The following CDH12 variants were observed in gnomAD, a reference collection of about 807,000 sequenced individuals.
The protein encoded by CDH12 is cadherin-12.
In CDH12, 41 loss-of-function variants were observed where a neutral mutation model predicts 74.1. The observed-to-expected ratio is 0.55, with a 90% CI of 0.43 to 0.72. CDH12 has a LOEUF of 0.72. Among genes scored for constraint, CDH12 ranks in the 30% least tolerant of loss-of-function variants. CDH12 has a pLI of 0.00. For synonymous variants in CDH12, 399 were observed against 355.0 expected (o/e 1.12, Z -1.39); for missense variants, 945 against 977.2 (o/e 0.97, Z 0.44).
At chr5:22,700,706 G>T (rs1742671065) in intron 1 of CDH12, among the ~76,000 whole-genome samples, 1 of 152,138 alleles carries the variant, frequency 6.6e-6, no homozygotes, top group African/African-American at 2.4e-5. Flanking sequence ...GTCAATACTG[G>T]TGGTAAGACA....
In CDH12 at chr5:22,660,265, A is replaced by C. The variant is rs138311882; in HGVS notation, c.-522-154901T>G. 2.9e-4 allele frequency among the ~76,000 whole-genome samples: 44 copies of C among 152,290 alleles called. No individual in the cohort carries two copies. The East Asian group carries it at 4.8e-3, about 17-fold the overall frequency. The stretch of plus-strand genomic sequence containing the variant: ...ATATTCTGGGAATTTTCTCTATTTC[A>C]AGGTTACTCTAACTACAACTTGGCT... On this transcript the variant is annotated intron_variant, in intron 1 of 14. Coordinates refer to ENST00000382254, the MANE Select transcript of CDH12 (RefSeq NM_004061.5).
chr5:22,179,886 C>T (rs1749542093), intron 4 of CDH12, among the ~76,000 whole-genome samples: 1 of 152,064 alleles, frequency 6.6e-6, no homozygotes, highest in East Asian at 1.9e-4. Flanking sequence ...CATTAATTCA[C>T]CAAACAGAGT....
At chr5:22,357,825 A>G (rs1300714043) in intron 3 of CDH12, among the ~76,000 whole-genome samples, 2 of 152,154 alleles carry the variant, frequency 1.3e-5, no homozygotes, top group Non-Finnish European at 2.9e-5. Context: ...GATAAAATAG[A>G]CAGAATGGCT....
At chr5:22,007,051 A>C (rs996293926) in intron 5 of CDH12, among the ~76,000 whole-genome samples, 6 of 152,182 alleles carry the variant, frequency 3.9e-5, no homozygotes, top group Non-Finnish European at 5.9e-5. Flanking sequence ...CAATAAAAAC[A>C]GAATTACCAA....
intron 10 of CDH12, among the ~76,000 whole-genome samples, chr5:21,796,795 C>T (rs943649814): frequency 6.6e-6 from 1 of 152,052 alleles, no homozygotes; most frequent in East Asian, 1.9e-4. Flanking sequence ...CACTAATACT[C>T]AAAGTAAATA....
At chr5:21,858,135 T>C (rs7449291) in intron 6 of CDH12, among the ~76,000 whole-genome samples, 95,973 of 151,682 alleles carry the variant, frequency 0.63, 34,637 homozygotes, top group East Asian at 0.79. Flanking sequence ...GTCACATTCA[T>C]GGTTAGAGCT....
intron 3 of CDH12, among the ~76,000 whole-genome samples, chr5:22,391,533 C>T (rs1742248546): frequency 6.6e-6 from 1 of 151,952 alleles, no homozygotes; most frequent in Non-Finnish European, 1.5e-5. Flanking sequence ...GAGAATTTCT[C>T]TTTTTTGCCT....
intron 2 of CDH12, among the ~76,000 whole-genome samples, chr5:22,435,881 C>A (rs1744365702): frequency 6.6e-6 from 1 of 151,850 alleles, no homozygotes; most frequent in Non-Finnish European, 1.5e-5. Flanking sequence ...AGTTTTGACT[C>A]CCTATGATTT....
At chr5:22,380,627 T>C (rs1010161844) in intron 3 of CDH12, among the ~76,000 whole-genome samples, 3 of 152,158 alleles carry the variant, frequency 2.0e-5, no homozygotes, top group Admixed American at 6.6e-5. Context: ...TTCTTAAAAC[T>C]AAGTTTATTA....
chr5:22,777,509 A>T (rs762066023), intron 1 of CDH12, among the ~76,000 whole-genome samples: 2 of 152,038 alleles, frequency 1.3e-5, no homozygotes, highest in Non-Finnish European at 2.9e-5. Context: ...GTACTAGTTA[A>T]ACATGACTTT....
At chr5:22,554,109 C>G (rs1015500349) in intron 1 of CDH12, among the ~76,000 whole-genome samples, 23 of 151,816 alleles carry the variant, frequency 1.5e-4, no homozygotes, top group Non-Finnish European at 2.2e-4. Flanking sequence ...AGAAAAGAAA[C>G]AATTATGGAG....
At chr5:22,270,692 A>G (rs958571109) in intron 3 of CDH12, among the ~76,000 whole-genome samples, 6 of 151,938 alleles carry the variant, frequency 3.9e-5, no homozygotes, top group African/African-American at 9.7e-5. Context: ...GTATTTTGAG[A>G]CAGAGTTTTG....
At position 22,697,066 on chromosome 5, in the gene CDH12, C is replaced by T. The variant is rs559406669; in HGVS notation, c.-523+155992G>A. ...TCTGAGCCCATGGTTAGATTCACAG[C>T]GCATTTCACTAGGGGAATCCCTTTA... On this transcript the variant is annotated intron_variant, in intron 1 of 14. Coordinates refer to ENST00000382254, the MANE Select transcript of CDH12 (RefSeq NM_004061.5). 7.2e-5 allele frequency among the ~76,000 whole-genome samples: 11 copies of T among 152,250 alleles called. 1 individual carries two copies. In the South Asian group the frequency reaches 2.1e-3, roughly 29 times the overall value.
At chr5:22,254,762 C>T (rs1229490029) in intron 3 of CDH12, among the ~76,000 whole-genome samples, 1 of 151,554 alleles carries the variant, frequency 6.6e-6, no homozygotes, top group East Asian at 1.9e-4. Context: ...TTTGTGGGTA[C>T]ATAGTAGGTG....
At chr5:21,995,091 G>A (rs967359872) in intron 5 of CDH12, among the ~76,000 whole-genome samples, 1 of 152,032 alleles carries the variant, frequency 6.6e-6, no homozygotes, top group Non-Finnish European at 1.5e-5. Context: ...CCCACCAGAA[G>A]GAAGACACTC....
chr5:21,804,657 C>A lies in CDH12; in HGVS notation c.1003-2237G>T, dbSNP rs201041595. On this transcript the variant is annotated intron_variant, in intron 9 of 14. Transcript: ENST00000382254. ...TAGTGAATTAAAACACACACACACACACACACACACACACACACACACACA... is the reference window on the plus strand; with the variant it reads ...TAGTGAATTAAAACACACACACACAAACACACACACACACACACACACACA... Among the ~76,000 whole-genome samples the A allele has an allele frequency of 2.5e-3, 358 of 141,736 alleles. 12 individuals carry two copies. The South Asian group carries it at 0.026, about 10-fold the overall frequency. 93.0% of individuals were successfully genotyped at this position (141,736 alleles called of 152,430 possible).
chr5:21,882,969 G>A, intron 6 of CDH12: 1 of 1,599,810 alleles, frequency 6.3e-7, no homozygotes, highest in East Asian at 2.2e-5. Flanking sequence ...AGCCAAGGAA[G>A]GCTTCCAGAA....
chr5:22,625,675 G>C (rs140222232), intron 1 of CDH12, among the ~76,000 whole-genome samples: 1 of 152,162 alleles, frequency 6.6e-6, no homozygotes, highest in Non-Finnish European at 1.5e-5. Context: ...GTGGCCCCCT[G>C]TCTGCTGGCC....
intron 1 of CDH12, among the ~76,000 whole-genome samples, chr5:22,549,637 A>G (rs943695999): frequency 2.1e-4 from 32 of 152,154 alleles, no homozygotes; most frequent in African/African-American, 3.4e-4. Flanking sequence ...ACTAGTTGCT[A>G]TGTAGTTCAA....
Sources: allele counts gnomAD v4.1 joint callset (sites outside exome capture counted in the v4.1 genomes callset), GRCh38; gene constraint gnomAD v4.1.1; transcripts MANE v1.5; gene names NCBI Gene and HGNC (gene_info 2026-07-23, HGNC 2026-07-21).